The following SLC7A14 variants were observed in gnomAD, a reference collection of about 807,000 sequenced individuals.
SLC7A14 encodes the protein gamma-aminobutyric acid transporter SLC7A14.
A neutral mutation model predicts 60.2 loss-of-function variants in SLC7A14; 37 were observed. The ratio of observed to expected loss-of-function variants is 0.61; its 90% confidence interval spans 0.47 to 0.81. The LOEUF (loss-of-function observed/expected upper bound fraction) is 0.81, where lower values mean the gene tolerates loss of function less well. SLC7A14 is among the 30% of genes least tolerant of loss of function. The probability of loss-of-function intolerance (pLI) is 0.00; values close to 1 mark genes in which losing one functional copy is unlikely to be tolerated. For synonymous variants in SLC7A14, 399 were observed against 395.8 expected, an observed-to-expected ratio of 1.01 and a Z score of -0.10; for missense variants, 886 against 982.7, an observed-to-expected ratio of 0.90 and a Z score of 1.32.
chr3:170,527,194 A>G (rs1560269966), intron 1 of SLC7A14, 106 bp from the exon 2 acceptor site: 3 of 519,826 alleles, frequency 5.8e-6, no homozygotes, highest in Admixed American at 3.2e-5. Flanking sequence ...GAACTGGTCT[A>G]CCCGTGTGCT....
At chr3:170,554,780 G>A (rs1322476108) in intron 1 of SLC7A14, among the ~76,000 whole-genome samples, 1 of 152,172 alleles carries the variant, frequency 6.6e-6, no homozygotes, top group Admixed American at 6.5e-5. Flanking sequence ...TAGGTTATTT[G>A]CCCTCATCTA....
At chr3:170,499,031 T>G in intron 3 of SLC7A14, 147 bp from the exon 4 acceptor site, 1 of 678,624 alleles carries the variant, frequency 1.5e-6, no homozygotes, top group Admixed American at 2.7e-5. Context: ...GGTCAGGAGA[T>G]TGAGACCATC....
chr3:170,486,155 G>T, intron 5 of SLC7A14, 67 bp downstream of exon 5: 1 of 1,577,328 alleles, frequency 6.3e-7, no homozygotes, highest in Non-Finnish European at 8.6e-7. Flanking sequence ...ACTCCTTCCT[G>T]ACAGAGAAGG....
intron 1 of SLC7A14, among the ~76,000 whole-genome samples, chr3:170,560,487 C>T (rs930862955): frequency 2.0e-5 from 3 of 152,104 alleles, no homozygotes; most frequent in East Asian, 3.8e-4. Context: ...TCAGAAAACA[C>T]GTGAAAAGTC....
chr3:170,505,729 T>A (rs539185484), intron 2 of SLC7A14, among the ~76,000 whole-genome samples: 1 of 152,050 alleles, frequency 6.6e-6, no homozygotes, highest in Non-Finnish European at 1.5e-5. Flanking sequence ...CTACTAAAAA[T>A]ACAAAAAAAT....
intron 2 of SLC7A14, among the ~76,000 whole-genome samples, chr3:170,504,343 TG>T (rs1712703988): frequency 6.6e-6 from 1 of 152,132 alleles, no homozygotes; most frequent in South Asian, 2.1e-4. Flanking sequence ...TTTTTTTAGA[TG>T]GAGTTTCACT....
intron 1 of SLC7A14, among the ~76,000 whole-genome samples, chr3:170,562,356 T>C (rs1714677321): frequency 6.6e-6 from 1 of 152,216 alleles, no homozygotes; most frequent in African/African-American, 2.4e-5. Context: ...CTGGATGGGA[T>C]TGGAGACTAT....
At chr3:170,546,870 T>C (rs1274568039) in intron 1 of SLC7A14, among the ~76,000 whole-genome samples, 1 of 152,206 alleles carries the variant, frequency 6.6e-6, no homozygotes, top group Non-Finnish European at 1.5e-5. Context: ...TGCAGGTAGA[T>C]GATGGACAGG....
intron 2 of SLC7A14, among the ~76,000 whole-genome samples, chr3:170,524,709 T>A (rs2108292610): frequency 6.6e-6 from 1 of 152,352 alleles, no homozygotes. Context: ...GTAATTGCTA[T>A]CACATTAATA....
At chr3:170,547,158 T>A (rs1472631898) in intron 1 of SLC7A14, among the ~76,000 whole-genome samples, 1 of 152,226 alleles carries the variant, frequency 6.6e-6, no homozygotes, top group African/African-American at 2.4e-5. Flanking sequence ...TTCCTCTCTC[T>A]TCCTTTTCAT....
In SLC7A14 at chr3:170,463,606, C is replaced by G. The variant is rs1445771026; in HGVS notation, c.*3449G>C. The stretch of plus-strand genomic sequence containing the variant: ...GATCATAGCTCACTGCAGCCTTGAA[C>G]TCCTGGGCTCAAGTGATCCTCCTCC... On this transcript the variant is annotated 3_prime_UTR_variant, in exon 8 of 8. Coordinates refer to ENST00000231706, the MANE Select transcript of SLC7A14 (RefSeq NM_020949.3). 6.6e-6 allele frequency: 1 copy of G among 152,278 alleles called. No individual in the cohort carries two copies. The allele number at this position is 152,278 out of a possible 1,614,324, so 9.4% of individuals were successfully genotyped here.
intron 7 of SLC7A14, 43 bp from the exon 8 acceptor site, chr3:170,467,420 T>C (rs1445956868): frequency 2.0e-6 from 3 of 1,465,806 alleles, no homozygotes; most frequent in Non-Finnish European, 2.7e-6. Flanking sequence ...AGCAATTGCT[T>C]TGGGATCCTG....
Position 170,467,240 on chromosome 3 carries a change from C to T in SLC7A14, c.2131G>A (p.Ala711Thr), listed in dbSNP as rs549360635. The change falls in exon 8 of 8, where the codon GCC (alanine) becomes ACC (threonine). Residue 711 changes from alanine (A) to threonine (T), a missense_variant. Coordinates refer to ENST00000231706, the MANE Select transcript of SLC7A14 (RefSeq NM_020949.3). ...PFSVEEGFSY[A>T]TEGESQEDWG... ...TCCTCCTGGCTCTCGCCCTCTGTGGCGTAGGAGAAACCCTCCTCCACTGAG... is the reference window on the plus strand; with the variant it reads ...TCCTCCTGGCTCTCGCCCTCTGTGGTGTAGGAGAAACCCTCCTCCACTGAG... 25 of 1,614,126 alleles carry T rather than the reference C, an allele frequency of 1.5e-5. No homozygotes were observed. Among genetic ancestry groups the T allele is most frequent in the Middle Eastern group, 1.6e-4 (1 of 6,084 alleles).
intron 2 of SLC7A14, among the ~76,000 whole-genome samples, chr3:170,515,034 T>C (rs35402059): frequency 0.15 from 22,169 of 152,100 alleles, 2,971 homozygotes; most frequent in African/African-American, 0.35. Flanking sequence ...ATATTTGGGC[T>C]AAGCACGGTG....
At chr3:170,520,394 A>G (rs1038465607) in intron 2 of SLC7A14, among the ~76,000 whole-genome samples, 2 of 152,234 alleles carry the variant, frequency 1.3e-5, no homozygotes, top group Admixed American at 1.3e-4. Flanking sequence ...TATTATTGCC[A>G]TAGTCACTTA....
chr3:170,524,495 C>T (rs529304231), intron 2 of SLC7A14, among the ~76,000 whole-genome samples: 1 of 95,446 alleles, frequency 1.0e-5, no homozygotes, highest in African/African-American at 3.9e-5. Flanking sequence ...TCACTGTGGT[C>T]TGGGAGACTG....
intron 1 of SLC7A14, among the ~76,000 whole-genome samples, chr3:170,553,117 A>T (rs1485000903): frequency 6.6e-6 from 1 of 152,122 alleles, no homozygotes; most frequent in Non-Finnish European, 1.5e-5. Flanking sequence ...TCCGGCATTT[A>T]TCATTCTGAA....
rs114226878 is a variant in SLC7A14 at position 170,552,352 on chromosome 3, T to C, written c.-152-25264A>G. On this transcript the variant is annotated intron_variant, in intron 1 of 7. Coordinates refer to ENST00000231706, the MANE Select transcript of SLC7A14 (RefSeq NM_020949.3). ...TTGTTGGGCATTGAGATCAGTTGCCTAACAATGTAAGGATGTATTTGTGGA... is the reference window on the plus strand; with the variant it reads ...TTGTTGGGCATTGAGATCAGTTGCCCAACAATGTAAGGATGTATTTGTGGA... 3.9e-3 allele frequency among the ~76,000 whole-genome samples: 594 copies of C among 152,340 alleles called. 2 individuals carry two copies. Among genetic ancestry groups the C allele is most frequent in the South Asian group, 6.8e-3 (33 of 4,826 alleles).
chr3:170,550,052 T>C (rs1419640277), intron 1 of SLC7A14, among the ~76,000 whole-genome samples: 1 of 152,238 alleles, frequency 6.6e-6, no homozygotes, highest in Non-Finnish European at 1.5e-5. Context: ...ATTGGACATG[T>C]GTGTGTAATG....
Sources: allele counts gnomAD v4.1 joint callset (sites outside exome capture counted in the v4.1 genomes callset), GRCh38; gene constraint gnomAD v4.1.1; transcripts MANE v1.5; gene names NCBI Gene and HGNC (gene_info 2026-07-23, HGNC 2026-07-21).